Variants in ATP8A1 observed in about 807,000 individuals in gnomAD.
ATP8A1 encodes the protein phospholipid-transporting ATPase IA.
Under a neutral mutation model 177.7 loss-of-function variants are expected in ATP8A1, and 90 were observed. The ratio of observed to expected loss-of-function variants is 0.51; its 90% CI spans 0.43 to 0.60. The LOEUF (loss-of-function observed/expected upper bound fraction) is 0.60. Ranked by LOEUF, ATP8A1 falls within the 20% of genes least tolerant of loss-of-function variation. The probability of loss-of-function intolerance (pLI) is 0.00; values close to 1 mark genes in which losing one functional copy is unlikely to be tolerated. For synonymous variants in ATP8A1, 493 were observed against 485.9 expected (o/e 1.01, Z -0.19); for missense variants, 1,072 against 1,392.8 (o/e 0.77, Z 3.67).
rs1712378930 is a variant in ATP8A1 at position 42,409,672 on chromosome 4, G to C, written c.*3244C>G. 1 of 152,074 alleles carries C rather than the reference G, an allele frequency of 6.6e-6. No homozygotes were observed. The highest frequency in any genetic ancestry group is 1.5e-5 in the Non-Finnish European group (1 of 67,976). 9.4% of individuals were successfully genotyped at this position (152,074 alleles called of 1,614,324 possible). On this transcript the variant is annotated 3_prime_UTR_variant, in exon 37 of 37. Coordinates refer to ENST00000381668, the MANE Select transcript of ATP8A1 (RefSeq NM_006095.2). ...TTAGCTTTGTAGTAATTATGACATT[G>C]TCATAATTTTAAAACTATGAATAAT...
At chr4:42,554,413 T>G (rs1260830776) in intron 16 of ATP8A1, among the ~76,000 whole-genome samples, 1 of 152,162 alleles carries the variant, frequency 6.6e-6, no homozygotes, top group African/African-American at 2.4e-5. Context: ...ATGGTATGAT[T>G]TACTGAAAGC....
In ATP8A1 at chr4:42,455,434, C is replaced by T. The variant is rs1379039465; in HGVS notation, c.2695-15G>A. ...GCTGTAAACATCTAAAGCGCACAAACTGGTCATTATGTCAAGCAGCCAAAT... is the reference window on the plus strand; with the variant it reads ...GCTGTAAACATCTAAAGCGCACAAATTGGTCATTATGTCAAGCAGCCAAAT... On this transcript the variant is annotated splice_polypyrimidine_tract_variant and intron_variant, in intron 28 of 36. Transcript: ENST00000381668. The T allele has an allele frequency of 1.9e-6, 3 of 1,613,758 alleles. No individual in the cohort carries two copies.
chr4:42,516,711 A>G (rs1458907449), intron 22 of ATP8A1, among the ~76,000 whole-genome samples: 1 of 152,244 alleles, frequency 6.6e-6, no homozygotes, highest in Non-Finnish European at 1.5e-5. Context: ...AATAAGGAAG[A>G]AAGACCAGAG....
Position 42,409,015 on chromosome 4 carries a change from T to G in ATP8A1, c.*3901A>C, listed in dbSNP as rs1196442392. ...CTTAGAGGCAAGCTAAACAAAAGAT[T>G]CAATTAAATTTGTTCAAATTTCTTT... is the stretch of plus-strand genomic sequence containing the variant. On this transcript the variant is annotated 3_prime_UTR_variant, in exon 37 of 37. Coordinates refer to ENST00000381668, the MANE Select transcript of ATP8A1 (RefSeq NM_006095.2). 6.6e-6 allele frequency: 1 copy of G among 152,190 alleles called. No homozygotes were observed. The highest frequency in any genetic ancestry group is 1.5e-5 in the Non-Finnish European group (1 of 68,016). The allele number at this position is 152,190 out of a possible 1,614,324, so 9.4% of individuals were successfully genotyped here.
intron 19 of ATP8A1, among the ~76,000 whole-genome samples, chr4:42,547,519 A>T (rs1332361652): frequency 6.6e-6 from 1 of 152,206 alleles, no homozygotes; most frequent in African/African-American, 2.4e-5. Context: ...CACCTAGCAT[A>T]GTGCTTTCTA....
intron 4 of ATP8A1, among the ~76,000 whole-genome samples, chr4:42,616,296 C>T (rs576740582): frequency 1.1e-4 from 16 of 152,310 alleles, no homozygotes; most frequent in African/African-American, 3.6e-4. Context: ...TTCCCAGTAT[C>T]TCCATAGAGT....
intron 14 of ATP8A1, 112 bp downstream of exon 14, chr4:42,574,506 TA>T (rs1459837842): frequency 5.4e-5 from 43 of 803,708 alleles, no homozygotes; most frequent in Non-Finnish European, 6.7e-5. Flanking sequence ...CTTTTCAGAC[TA>T]AAAAAAACCA....
chr4:42,527,701 A>G (rs1411732190), intron 20 of ATP8A1, among the ~76,000 whole-genome samples: 1 of 152,186 alleles, frequency 6.6e-6, no homozygotes, highest in Non-Finnish European at 1.5e-5. Flanking sequence ...ACTACACTCA[A>G]AAGGAATTGC....
chr4:42,548,108 C>T (rs536059766), intron 19 of ATP8A1, among the ~76,000 whole-genome samples: 2 of 152,158 alleles, frequency 1.3e-5, no homozygotes, highest in Non-Finnish European at 2.9e-5. Flanking sequence ...ATCTATTATT[C>T]GACCTTAAGA....
At chr4:42,540,039 T>C (rs530889514) in intron 20 of ATP8A1, among the ~76,000 whole-genome samples, 18 of 152,178 alleles carry the variant, frequency 1.2e-4, no homozygotes, top group African/African-American at 4.3e-4. Flanking sequence ...TGCAAACTAT[T>C]CACCCTAAAA....
At chr4:42,422,681 C>A in intron 35 of ATP8A1, 126 bp downstream of exon 35, 1 of 723,968 alleles carries the variant, frequency 1.4e-6, no homozygotes, top group South Asian at 2.1e-5. Context: ...CTCTGACTCC[C>A]AAACCTGCCA....
chr4:42,448,401 C>CTTTTCTTTTTTTTTTT (rs1553875016), intron 30 of ATP8A1, among the ~76,000 whole-genome samples: 9 of 99,558 alleles, frequency 9.0e-5, no homozygotes, highest in Admixed American at 3.0e-4. Context: ...TCTTTCTTTT[C>CTTTTCTTTTTTTTTTT]TTTTTTTTTT....
intron 14 of ATP8A1, among the ~76,000 whole-genome samples, chr4:42,573,208 C>A (rs998987707): frequency 6.6e-6 from 1 of 152,146 alleles, no homozygotes; most frequent in Admixed American, 6.5e-5. Flanking sequence ...TATAAAATCA[C>A]ACAAAGTAAA....
chr4:42,502,043 T>C (rs906742632), intron 24 of ATP8A1, among the ~76,000 whole-genome samples: 4 of 150,384 alleles, frequency 2.7e-5, no homozygotes, highest in African/African-American at 5.0e-5. Context: ...AAAACTGATA[T>C]ACTTTTTTTT....
At chr4:42,424,454 T>C (rs1378679467) in intron 33 of ATP8A1, among the ~76,000 whole-genome samples, 1 of 152,150 alleles carries the variant, frequency 6.6e-6, no homozygotes, top group Non-Finnish European at 1.5e-5. Flanking sequence ...CAAGAGGAAA[T>C]TTTTAGTACC....
intron 25 of ATP8A1, among the ~76,000 whole-genome samples, chr4:42,473,381 G>C (rs1029006206): frequency 3.9e-5 from 6 of 152,118 alleles, no homozygotes; most frequent in Admixed American, 1.3e-4. Context: ...AATTTTTCCT[G>C]CATGGATCAA....
intron 15 of ATP8A1, among the ~76,000 whole-genome samples, chr4:42,564,720 G>A (rs550282325): frequency 1.3e-5 from 2 of 152,276 alleles, no homozygotes; most frequent in South Asian, 2.1e-4. Flanking sequence ...ATGAGACTTT[G>A]GACTGTGGAC....
chr4:42,646,306 ACT>A (rs1449686176), intron 1 of ATP8A1, among the ~76,000 whole-genome samples: 1 of 152,162 alleles, frequency 6.6e-6, no homozygotes, highest in Non-Finnish European at 1.5e-5. Flanking sequence ...TGGGACAGGC[ACT>A]CAGGGTCAGG....
chr4:42,551,095 G>C, intron 18 of ATP8A1, 103 bp downstream of exon 18: 1 of 905,624 alleles, frequency 1.1e-6, no homozygotes, highest in Admixed American at 1.9e-5. Flanking sequence ...TTCTGGAGTG[G>C]GGAACCTCTA....
Sources: gnomAD v4.1 joint callset for allele counts (sites outside exome capture counted in the v4.1 genomes callset) on GRCh38, gnomAD v4.1.1 for gene constraint, MANE v1.5 for transcripts, NCBI Gene and HGNC (gene_info 2026-07-23, HGNC 2026-07-21) for gene names.